The following IL19 variants were observed in gnomAD, a reference collection of about 807,000 sequenced individuals.
IL19 encodes the protein interleukin-19.
Under a neutral mutation model 19.5 loss-of-function variants are expected in IL19, and 15 were observed. The observed-to-expected ratio is 0.77, with a 90% CI of 0.52 to 1.19. The LOEUF is 1.19. IL19 is among the 50% of genes most tolerant of loss of function. The pLI is 0.00. For synonymous variants in IL19, 78 were observed against 78.3 expected (o/e 1.00, Z 0.02); for missense variants, 199 against 213.1 (o/e 0.93, Z 0.41).
At chr1:206,802,523 A>G (rs1478118927) in intron 2 of IL19, among the ~76,000 whole-genome samples, 1 of 152,180 alleles carries the variant, frequency 6.6e-6, no homozygotes, top group African/African-American at 2.4e-5. Flanking sequence ...CAAGATCACG[A>G]AGCCAATAAG....
intron 2 of IL19, among the ~76,000 whole-genome samples, chr1:206,829,547 T>C (rs2102480766): frequency 6.6e-6 from 1 of 152,070 alleles, no homozygotes; most frequent in African/African-American, 2.4e-5. Flanking sequence ...AGGCGGAAAA[T>C]GTAGGCGAAG....
chr1:206,798,429 T>G (rs1181979682), intron 1 of IL19, among the ~76,000 whole-genome samples: 1 of 152,100 alleles, frequency 6.6e-6, no homozygotes, highest in African/African-American at 2.4e-5. Context: ...GAAAGTGGGA[T>G]TTAATTTTAA....
At chr1:206,785,311 G>A (rs1675243418) in intron 1 of IL19, among the ~76,000 whole-genome samples, 1 of 152,214 alleles carries the variant, frequency 6.6e-6, no homozygotes. Flanking sequence ...AGAAGTGCCT[G>A]TTTTCTATGG....
At chr1:206,774,584 C>T (rs1299846688) in intron 1 of IL19, among the ~76,000 whole-genome samples, 2 of 152,174 alleles carry the variant, frequency 1.3e-5, no homozygotes, top group African/African-American at 2.4e-5. Context: ...GCTGTGAACC[C>T]CTCCTTCCTT....
chr1:206,783,347 G>C (rs1450496660), intron 1 of IL19, among the ~76,000 whole-genome samples: 1 of 152,132 alleles, frequency 6.6e-6, no homozygotes, highest in African/African-American at 2.4e-5. Context: ...GATTTTAAAA[G>C]TATTCTTTTT....
In IL19 at chr1:206,836,795, A is replaced by G. The variant is rs768258791; in HGVS notation, c.133A>G (p.Lys45Glu). ...TATAGAAGAGAGTTTCCAAGAAATC[A>G]AAAGAGCCATCGTGAGTATGGGTTG... ...HHIEESFQEI[K>E]RAIQAKDTFP... Residue 45 changes from lysine to glutamate, a missense_variant, in exon 3 of 7, where the codon AAA becomes GAA. Physicochemically the swap from Lys to Glu is moderately conservative, Grantham distance 56. Transcript: ENST00000659997. 1.2e-5 allele frequency: 20 copies of G among 1,614,050 alleles called. No individual in the cohort carries two copies. Among genetic ancestry groups the G allele is most frequent in the Non-Finnish European group, 1.7e-5 (20 of 1,180,036 alleles).
intron 2 of IL19, 136 bp downstream of exon 2, chr1:206,799,142 A>C: frequency 1.5e-6 from 1 of 688,598 alleles, no homozygotes; most frequent in South Asian, 1.7e-5. Context: ...TGTCTGTCAT[A>C]AAGTTCCTTA....
At position 206,770,925 on chromosome 1, in the gene IL19, C is replaced by T. The variant is rs776655495; in HGVS notation, c.-302C>T. 6 of 1,614,166 alleles carry T rather than the reference C, an allele frequency of 3.7e-6. No individual in the cohort carries two copies. In the South Asian group the frequency reaches 6.6e-5, roughly 18 times the overall value. On this transcript the variant is annotated 5_prime_UTR_variant, in exon 1 of 7. Coordinates refer to ENST00000659997, the MANE Select transcript of IL19 (RefSeq NM_153758.5). ...TACTTACACAGCGCCGTAGCCTCAGCCTGAGGGTCTTCAGGTTCTCCCCCA... is the reference window on the plus strand; with the variant it reads ...TACTTACACAGCGCCGTAGCCTCAGTCTGAGGGTCTTCAGGTTCTCCCCCA...
chr1:206,770,914 C>A lies in IL19; in HGVS notation c.-313C>A, dbSNP rs201365412. 1.2e-6 allele frequency: 2 copies of A among 1,614,056 alleles called. No homozygotes were observed. The highest frequency in any genetic ancestry group is 2.2e-5 in the East Asian group (1 of 44,882). On this transcript the variant is annotated 5_prime_UTR_variant, in exon 1 of 7. Coordinates refer to ENST00000659997, the MANE Select transcript of IL19 (RefSeq NM_153758.5). ...AACTGATCTGCTACTTACACAGCGC[C>A]GTAGCCTCAGCCTGAGGGTCTTCAG...
At chr1:206,825,469 T>A (rs1308439151) in intron 2 of IL19, among the ~76,000 whole-genome samples, 4 of 152,250 alleles carry the variant, frequency 2.6e-5, no homozygotes. Flanking sequence ...GATACCACAT[T>A]TTGTTTAATC....
chr1:206,806,258 G>GGAAATATCA (rs1675842638), intron 2 of IL19, among the ~76,000 whole-genome samples: 1 of 152,100 alleles, frequency 6.6e-6, no homozygotes, highest in Admixed American at 6.5e-5. Flanking sequence ...TGCAAATAAG[G>GGAAATATCA]GAAATATCAT....
chr1:206,821,860 A>G (rs1011089814), intron 2 of IL19, among the ~76,000 whole-genome samples: 14 of 152,204 alleles, frequency 9.2e-5, no homozygotes, highest in Non-Finnish European at 2.1e-4. Context: ...ACTGAAATGA[A>G]AACTCCTCAC....
At chr1:206,815,448 AT>A (rs1421573308) in intron 2 of IL19, among the ~76,000 whole-genome samples, 2 of 152,220 alleles carry the variant, frequency 1.3e-5, no homozygotes, top group African/African-American at 4.8e-5. Context: ...AGAATTCCTA[AT>A]AGGCCAAGTT....
intron 1 of IL19, among the ~76,000 whole-genome samples, chr1:206,790,816 T>C (rs1675383455): frequency 6.6e-6 from 1 of 152,092 alleles, no homozygotes; most frequent in African/African-American, 2.4e-5. Flanking sequence ...GTTTTCACCA[T>C]CTCCAGAATC....
At chr1:206,836,081 G>C (rs1422420029) in intron 2 of IL19, among the ~76,000 whole-genome samples, 1 of 152,224 alleles carries the variant, frequency 6.6e-6, no homozygotes, top group Non-Finnish European at 1.5e-5. Context: ...TGGCTAATTA[G>C]TTCTTGAAGA....
At chr1:206,785,733 A>G (rs1400911121) in intron 1 of IL19, among the ~76,000 whole-genome samples, 1 of 152,236 alleles carries the variant, frequency 6.6e-6, no homozygotes, top group Non-Finnish European at 1.5e-5. Context: ...CAGTAGGAGA[A>G]AGAAGCTGTC....
chr1:206,773,779 G>A (rs1246674717), intron 1 of IL19, among the ~76,000 whole-genome samples: 8 of 152,314 alleles, frequency 5.3e-5, no homozygotes, highest in African/African-American at 1.7e-4. Context: ...TTCCACAGGG[G>A]CTTTGCCTGC....
intron 1 of IL19, among the ~76,000 whole-genome samples, chr1:206,795,031 A>C (rs978490330): frequency 6.6e-6 from 1 of 152,204 alleles, no homozygotes; most frequent in Admixed American, 6.5e-5. Context: ...CATGCCAGCT[A>C]AAGCAACCTT....
intron 1 of IL19, among the ~76,000 whole-genome samples, chr1:206,785,811 AC>A (rs940036708): frequency 1.3e-5 from 2 of 152,206 alleles, no homozygotes; most frequent in African/African-American, 2.4e-5. Context: ...TTATAGTGTA[AC>A]CCCTGCTTTG....
Sources: gnomAD v4.1 joint callset for allele counts (sites outside exome capture counted in the v4.1 genomes callset) on GRCh38, gnomAD v4.1.1 for gene constraint, MANE v1.5 for transcripts, NCBI Gene and HGNC (gene_info 2026-07-23, HGNC 2026-07-21) for gene names.